PTPRD: variants seen among roughly 807,000 people sequenced by gnomAD.
PTPRD encodes the protein receptor-type tyrosine-protein phosphatase delta.
Under a neutral mutation model 214.5 loss-of-function variants are expected in PTPRD, and 34 were observed. The ratio of observed to expected loss-of-function variants is 0.16; its 90% CI spans 0.12 to 0.21. The LOEUF is 0.21. PTPRD is among the 10% of genes least tolerant of loss of function. PTPRD has a pLI of 1.00. For synonymous variants in PTPRD, 1,128 were observed against 845.7 expected, an observed-to-expected ratio of 1.33 and a Z score of -5.79; for missense variants, 2,545 against 2,398.7, an observed-to-expected ratio of 1.06 and a Z score of -1.27.
intron 8 of PTPRD, among the ~76,000 whole-genome samples, chr9:9,432,359 T>C (rs1407365975): frequency 6.6e-6 from 1 of 152,136 alleles, no homozygotes; most frequent in Non-Finnish European, 1.5e-5. Context: ...TAAAATGTAC[T>C]TTGCATGCTT....
chr9:9,253,747 G>C (rs1380283324), intron 9 of PTPRD, among the ~76,000 whole-genome samples: 1 of 152,126 alleles, frequency 6.6e-6, no homozygotes, highest in Admixed American at 6.6e-5. Flanking sequence ...TTCACTGATT[G>C]CTTGAAGTCA....
intron 3 of PTPRD, among the ~76,000 whole-genome samples, chr9:10,222,253 G>C (rs2099573773): frequency 6.6e-6 from 1 of 152,018 alleles, no homozygotes; most frequent in African/African-American, 2.4e-5. Context: ...TGCAAGAATA[G>C]TCTTACATAG....
intron 9 of PTPRD, among the ~76,000 whole-genome samples, chr9:9,366,098 T>C (rs1047124814): frequency 2.0e-5 from 3 of 151,452 alleles, no homozygotes; most frequent in East Asian, 1.9e-4. Flanking sequence ...AGAATTCAAA[T>C]ACCCTACCTA....
Position 10,036,122 on chromosome 9 carries a change from G to A in PTPRD, c.-544-2332C>T, listed in dbSNP as rs149231055. 2.6e-3 allele frequency among the ~76,000 whole-genome samples: 398 copies of A among 152,080 alleles called. 2 individuals carry two copies. Among genetic ancestry groups the A allele is most frequent in the African/African-American group, 8.6e-3 (356 of 41,512 alleles). On this transcript the variant is annotated intron_variant, in intron 3 of 45. Coordinates refer to ENST00000381196, the MANE Select transcript of PTPRD (RefSeq NM_002839.4). The stretch of plus-strand genomic sequence containing the variant: ...TATACTGCATATCTTCCAAATAAAC[G>A]CAGTATTAGGTATTTCAAAGAAAGA...
chr9:9,194,946 G>T (rs999958232), intron 9 of PTPRD, among the ~76,000 whole-genome samples: 24 of 151,628 alleles, frequency 1.6e-4, no homozygotes, highest in African/African-American at 5.8e-4. Flanking sequence ...ACTAAGTGAA[G>T]GAGTCAAATA....
At chr9:9,920,123 G>T (rs528076405) in intron 5 of PTPRD, among the ~76,000 whole-genome samples, 1 of 152,040 alleles carries the variant, frequency 6.6e-6, no homozygotes, top group African/African-American at 2.4e-5. Flanking sequence ...TGACAAAATT[G>T]TTGTCAGTTT....
chr9:10,279,645 A>C lies in PTPRD; in HGVS notation c.-545+61318T>G, dbSNP rs547096154. Among the ~76,000 whole-genome samples the C allele has an allele frequency of 1.6e-3, 245 of 151,598 alleles. 3 individuals are homozygous for C. Among genetic ancestry groups the C allele is most frequent in the Middle Eastern group, 0.014 (4 of 292 alleles). ...CTTCATTATGTGTTCAAAACTATTT[A>C]TTAGGTACCTAGGTACTATATGCTA... On this transcript the variant is annotated intron_variant, in intron 3 of 45. Coordinates refer to ENST00000381196, the MANE Select transcript of PTPRD (RefSeq NM_002839.4).
In PTPRD at chr9:9,660,455, T is replaced by A. The variant is rs540670603; in HGVS notation, c.-287+74078A>T. 1.7e-4 allele frequency among the ~76,000 whole-genome samples: 26 copies of A among 152,060 alleles called. 1 individual carries two copies. Among genetic ancestry groups the A allele is most frequent in the Non-Finnish European group, 3.2e-4 (22 of 67,910 alleles). On this transcript the variant is annotated intron_variant, in intron 7 of 45. Coordinates refer to ENST00000381196, the MANE Select transcript of PTPRD (RefSeq NM_002839.4). The stretch of plus-strand genomic sequence containing the variant: ...AGTAGAGATGCTTTGAGTGATGGGA[T>A]CTTGAATATAGTTTAATAGATAATA...
rs368262595 is a variant in PTPRD, at chr9:10,312,690, CAT to C, written c.-545+28271_-545+28272del. On this transcript the variant is annotated intron_variant, in intron 3 of 45. Coordinates refer to ENST00000381196, the MANE Select transcript of PTPRD (RefSeq NM_002839.4). ...GCTTTATATATAAAAGCATGACAAACATATAAACAGAAAAGAGAGTAAGACAA... is the reference window on the plus strand; with the variant it reads ...GCTTTATATATAAAAGCATGACAAACATAAACAGAAAAGAGAGTAAGACAA... Among the ~76,000 whole-genome samples, 292 of 151,698 alleles carry C rather than the reference CAT, an allele frequency of 1.9e-3. 1 individual carries two copies. Among genetic ancestry groups the C allele is most frequent in the African/African-American group, 6.6e-3 (272 of 41,388 alleles).
At chr9:9,747,543 T>TG (rs949023518) in intron 6 of PTPRD, among the ~76,000 whole-genome samples, 60 of 13,116 alleles carry the variant, frequency 4.6e-3, no homozygotes, top group East Asian at 0.023. Flanking sequence ...TTTTTTGTTT[T>TG]TTTTTTTTTT....
intron 6 of PTPRD, among the ~76,000 whole-genome samples, chr9:9,740,355 A>G (rs2098381305): frequency 7.1e-6 from 1 of 140,532 alleles, no homozygotes; most frequent in Non-Finnish European, 1.5e-5. Context: ...TATCTCTAAA[A>G]CTACTATTTT....
At chr9:9,659,510 T>C (rs1442891634) in intron 7 of PTPRD, among the ~76,000 whole-genome samples, 1 of 152,038 alleles carries the variant, frequency 6.6e-6, no homozygotes, top group Non-Finnish European at 1.5e-5. Context: ...TCTCTGGACA[T>C]AGGACTCAGG....
At chr9:9,820,607 G>C (rs1474806493) in intron 5 of PTPRD, among the ~76,000 whole-genome samples, 4 of 151,968 alleles carry the variant, frequency 2.6e-5, no homozygotes, top group Non-Finnish European at 5.9e-5. Context: ...TAGGATTCTT[G>C]TGGTTTGAGG....
chr9:10,358,301 C>T (rs546657581), intron 2 of PTPRD, among the ~76,000 whole-genome samples: 6 of 151,866 alleles, frequency 4.0e-5, no homozygotes, highest in Non-Finnish European at 8.8e-5. Context: ...TTTAATCATG[C>T]TAATTAGCAT....
At chr9:9,468,048 G>C (rs1038505496) in intron 8 of PTPRD, among the ~76,000 whole-genome samples, 12 of 152,042 alleles carry the variant, frequency 7.9e-5, no homozygotes, top group Admixed American at 2.6e-4. Flanking sequence ...TTGTGGAGCA[G>C]TTTTGCATTT....
At chr9:8,348,965 G>C (rs907894825) in intron 39 of PTPRD, among the ~76,000 whole-genome samples, 1 of 152,050 alleles carries the variant, frequency 6.6e-6, no homozygotes, top group Admixed American at 6.6e-5. Flanking sequence ...CCAGGGAAAA[G>C]ACAACAGCTT....
At chr9:8,486,464 A>G (rs750080518) in intron 27 of PTPRD, 115 bp from the exon 28 acceptor site, 3 of 898,690 alleles carry the variant, frequency 3.3e-6, no homozygotes, top group African/African-American at 3.3e-5. Flanking sequence ...ACTTACCAAA[A>G]CAAAACAAAA....
At chr9:8,347,813 G>A (rs932780540) in intron 39 of PTPRD, among the ~76,000 whole-genome samples, 7 of 152,138 alleles carry the variant, frequency 4.6e-5, no homozygotes, top group Admixed American at 2.0e-4. Context: ...GGCACAGTGA[G>A]AAAGTAGTCA....
chr9:10,145,288 C>T (rs2099014687), intron 3 of PTPRD, among the ~76,000 whole-genome samples: 1 of 151,900 alleles, frequency 6.6e-6, no homozygotes, highest in Non-Finnish European at 1.5e-5. Flanking sequence ...TATTGTTGAC[C>T]CTTTAACAAC....
Sources: gnomAD v4.1 joint callset for allele counts (sites outside exome capture counted in the v4.1 genomes callset) on GRCh38, gnomAD v4.1.1 for gene constraint, MANE v1.5 for transcripts, NCBI Gene and HGNC (gene_info 2026-07-23, HGNC 2026-07-21) for gene names.